The following RSU1 variants were observed in gnomAD, a reference collection of about 807,000 sequenced individuals.
RSU1 encodes Ras suppressor protein 1, also known as rsu-1.
A neutral mutation model predicts 31.1 loss-of-function variants in RSU1; 26 were observed. The ratio of observed to expected loss-of-function variants is 0.84; its 90% confidence interval spans 0.61 to 1.16. RSU1 has a LOEUF of 1.16. RSU1 is among the 50% of genes most tolerant of loss of function. RSU1 has a pLI of 0.00. For missense variants in RSU1, 320 were observed against 339.1 expected (o/e 0.94, Z 0.44); for synonymous variants, 164 against 136.3 (o/e 1.20, Z -1.41).
intron 7 of RSU1, among the ~76,000 whole-genome samples, chr10:16,712,869 C>G (rs1197689626): frequency 6.6e-6 from 1 of 152,104 alleles, no homozygotes; most frequent in African/African-American, 2.4e-5. Context: ...TTAAGCATTC[C>G]TTATAAGGCC....
At chr10:16,743,125 T>G (rs1340941825) in intron 7 of RSU1, among the ~76,000 whole-genome samples, 2 of 152,184 alleles carry the variant, frequency 1.3e-5, no homozygotes, top group East Asian at 3.8e-4. Context: ...CAAGTCAAAA[T>G]TCAAAGTTGG....
Position 16,779,854 on chromosome 10 carries a change from A to T in RSU1, c.160+2180T>A, listed in dbSNP as rs778666840. On this transcript the variant is annotated intron_variant, in intron 3 of 8. Transcript: ENST00000345264. The stretch of plus-strand genomic sequence containing the variant: ...AGTCATTCATTTAAATGCCAGAAAA[A>T]TAGTAAAGGATGCTAATTTGACCTT... 2.0e-5 allele frequency among the ~76,000 whole-genome samples: 3 copies of T among 152,354 alleles called. No homozygotes were observed. In the South Asian group the frequency reaches 6.2e-4, roughly 32 times the overall value.
chr10:16,728,897 C>G (rs187405113), intron 7 of RSU1, among the ~76,000 whole-genome samples: 2 of 152,318 alleles, frequency 1.3e-5, no homozygotes, highest in Non-Finnish European at 2.9e-5. Context: ...CCTCTAGAGC[C>G]TCCTGAAGGA....
At chr10:16,644,321 C>G (rs572798496) in intron 8 of RSU1, among the ~76,000 whole-genome samples, 1 of 152,142 alleles carries the variant, frequency 6.6e-6, no homozygotes, top group Admixed American at 6.5e-5. Context: ...ACATGTTTCT[C>G]GATAGTCTGA....
intron 7 of RSU1, among the ~76,000 whole-genome samples, chr10:16,706,179 T>C (rs1049578637): frequency 6.6e-6 from 1 of 152,200 alleles, no homozygotes; most frequent in South Asian, 2.1e-4. Context: ...CTGGGTCGTA[T>C]GGTAGTTTTA....
At chr10:16,665,613 T>G (rs1435793525) in intron 8 of RSU1, among the ~76,000 whole-genome samples, 1 of 152,242 alleles carries the variant, frequency 6.6e-6, no homozygotes, top group Non-Finnish European at 1.5e-5. Context: ...TAAATATTAA[T>G]GATATATAAT....
chr10:16,628,321 C>T (rs1834193006), intron 8 of RSU1, among the ~76,000 whole-genome samples: 1 of 152,212 alleles, frequency 6.6e-6, no homozygotes, highest in Admixed American at 6.5e-5. Flanking sequence ...ACTATGTCAT[C>T]TTCCTCCATA....
chr10:16,742,753 G>C (rs1234249649), intron 7 of RSU1, among the ~76,000 whole-genome samples: 2 of 152,142 alleles, frequency 1.3e-5, no homozygotes, highest in African/African-American at 4.8e-5. Context: ...ACAGATTGAT[G>C]CACATGTTCA....
chr10:16,715,974 A>C (rs570957676), intron 7 of RSU1, among the ~76,000 whole-genome samples: 2 of 152,356 alleles, frequency 1.3e-5, no homozygotes, highest in South Asian at 2.1e-4. Context: ...TCCCTATTCA[A>C]GAGTCAAAAC....
At chr10:16,797,733 GA>G (rs1450935926) in intron 2 of RSU1, among the ~76,000 whole-genome samples, 3 of 146,810 alleles carry the variant, frequency 2.0e-5, no homozygotes, top group Admixed American at 6.8e-5. Context: ...CAAAACTTAA[GA>G]AAAAAATTAG....
intron 7 of RSU1, among the ~76,000 whole-genome samples, chr10:16,751,517 A>T (rs950484549): frequency 6.6e-6 from 1 of 152,202 alleles, no homozygotes; most frequent in Non-Finnish European, 1.5e-5. Flanking sequence ...CATTAGCCAC[A>T]TGAGCCTGCT....
At chr10:16,640,109 T>C (rs1356446466) in intron 8 of RSU1, among the ~76,000 whole-genome samples, 1 of 151,862 alleles carries the variant, frequency 6.6e-6, no homozygotes, top group African/African-American at 2.4e-5. Flanking sequence ...TCAGAAAAAT[T>C]ATGACAGGGG....
chr10:16,705,159 A>G (rs919336712), intron 7 of RSU1, among the ~76,000 whole-genome samples: 21 of 152,158 alleles, frequency 1.4e-4, no homozygotes, highest in African/African-American at 4.6e-4. Flanking sequence ...CACTTCATAT[A>G]ATTTCCTCAA....
chr10:16,691,482 C>A (rs913352023), intron 8 of RSU1, among the ~76,000 whole-genome samples: 1 of 151,222 alleles, frequency 6.6e-6, no homozygotes, highest in African/African-American at 2.4e-5. Flanking sequence ...ACGACAGCTG[C>A]TACAGGAGAA....
At chr10:16,618,959 G>GT (rs1488164486) in intron 8 of RSU1, among the ~76,000 whole-genome samples, 3 of 152,142 alleles carry the variant, frequency 2.0e-5, no homozygotes, top group Admixed American at 6.5e-5. Flanking sequence ...AAACCTGTGT[G>GT]TTCTGCACGT....
At chr10:16,752,885 T>C (rs767059476) in intron 6 of RSU1, 33 bp downstream of exon 6, 32 of 1,577,486 alleles carry the variant, frequency 2.0e-5, no homozygotes, top group African/African-American at 2.0e-4. Context: ...CAGCAGTGAA[T>C]TGATTTTCTA....
intron 8 of RSU1, among the ~76,000 whole-genome samples, chr10:16,651,336 CAAGG>C (rs1834680938): frequency 6.6e-6 from 1 of 152,150 alleles, no homozygotes; most frequent in Non-Finnish European, 1.5e-5. Context: ...AAAATTTATT[CAAGG>C]AAGTGTCAGT....
chr10:16,708,578 CA>C (rs1288390370), intron 7 of RSU1, among the ~76,000 whole-genome samples: 1 of 151,968 alleles, frequency 6.6e-6, no homozygotes, highest in Non-Finnish European at 1.5e-5. Flanking sequence ...TTTGTGGTTC[CA>C]TATGAATTTT....
rs530158627 is a variant in RSU1 at position 16,608,099 on chromosome 10, G to A, written c.732-14603C>T. ...ACCCGCCTTGGCCTCCCAAAGTGCC[G>A]GGATTACAGGCGTGAGCCACCACAC... is the stretch of plus-strand genomic sequence containing the variant. On this transcript the variant is annotated intron_variant, in intron 8 of 8. Coordinates refer to ENST00000345264, the MANE Select transcript of RSU1 (RefSeq NM_012425.4). Among the ~76,000 whole-genome samples, 13 of 152,304 alleles carry A rather than the reference G, an allele frequency of 8.5e-5. No homozygotes were observed. The South Asian group carries it at 2.1e-3, about 24-fold the overall frequency.
Sources: gnomAD v4.1 joint callset for allele counts (sites outside exome capture counted in the v4.1 genomes callset) on GRCh38, gnomAD v4.1.1 for gene constraint, MANE v1.5 for transcripts, NCBI Gene and HGNC (gene_info 2026-07-23, HGNC 2026-07-21) for gene names.